Variants in LRMDA observed in about 807,000 individuals in gnomAD.
LRMDA encodes the protein leucine-rich melanocyte differentiation-associated protein.
In LRMDA, 18 loss-of-function variants were observed where a neutral mutation model predicts 29.8. The observed-to-expected ratio is 0.60, with a 90% CI of 0.42 to 0.90. LRMDA has a LOEUF of 0.90. LRMDA is among the 40% of genes least tolerant of loss of function. The pLI, the probability that LRMDA is intolerant of heterozygous loss-of-function variation, is 0.00. For missense variants in LRMDA, 273 were observed against 273.9 expected, an observed-to-expected ratio of 1.00 and a Z score of 0.02; for synonymous variants, 125 against 109.4, an observed-to-expected ratio of 1.14 and a Z score of -0.89.
intron 6 of LRMDA, among the ~76,000 whole-genome samples, chr10:76,464,341 A>T (rs1465489141): frequency 6.6e-6 from 1 of 152,106 alleles, no homozygotes; most frequent in Non-Finnish European, 1.5e-5. Flanking sequence ...GTGTGTTGGG[A>T]ACTGCAATTG....
chr10:76,368,384 T>G (rs567643224), intron 6 of LRMDA, among the ~76,000 whole-genome samples: 3 of 152,218 alleles, frequency 2.0e-5, no homozygotes, highest in Non-Finnish European at 4.4e-5. Flanking sequence ...AGCAGGTTAT[T>G]TAATTTCCAT....
At chr10:75,565,959 C>T (rs745930774) in intron 2 of LRMDA, among the ~76,000 whole-genome samples, 8 of 152,066 alleles carry the variant, frequency 5.3e-5, no homozygotes, top group African/African-American at 1.2e-4. Context: ...TCTGTGGTCC[C>T]GGCTTCTTGG....
intron 5 of LRMDA, among the ~76,000 whole-genome samples, chr10:76,234,428 A>T (rs1481596698): frequency 6.6e-6 from 1 of 152,204 alleles, no homozygotes; most frequent in Admixed American, 6.5e-5. Flanking sequence ...TTGGAATGAT[A>T]AATGAACATT....
At chr10:75,662,934 T>C (rs184952857) in intron 2 of LRMDA, among the ~76,000 whole-genome samples, 224 of 152,328 alleles carry the variant, frequency 1.5e-3, no homozygotes, top group Admixed American at 5.2e-3. Flanking sequence ...ACTGGGTGCC[T>C]TGCGTAACCA....
intron 6 of LRMDA, among the ~76,000 whole-genome samples, chr10:76,555,732 G>C (rs1159407295): frequency 7.1e-6 from 1 of 140,876 alleles, no homozygotes; most frequent in Non-Finnish European, 1.5e-5. Flanking sequence ...GAAGAACCTG[G>C]TTAATTTCAA....
At chr10:75,582,234 C>T (rs140728593) in intron 2 of LRMDA, among the ~76,000 whole-genome samples, 2 of 152,210 alleles carry the variant, frequency 1.3e-5, no homozygotes, top group African/African-American at 4.8e-5. Context: ...TTCACATATC[C>T]CCTTTGCACT....
chr10:75,555,269 C>G (rs2132057636), intron 2 of LRMDA, among the ~76,000 whole-genome samples: 1 of 152,292 alleles, frequency 6.6e-6, no homozygotes. Flanking sequence ...GGGTGAATTT[C>G]TCATTTTCTA....
At chr10:75,457,231 C>T (rs1471133507) in intron 2 of LRMDA, among the ~76,000 whole-genome samples, 1 of 152,220 alleles carries the variant, frequency 6.6e-6, no homozygotes, top group Non-Finnish European at 1.5e-5. Flanking sequence ...CGACTGTTAG[C>T]TCCTATACTG....
intron 6 of LRMDA, among the ~76,000 whole-genome samples, chr10:76,345,300 C>T (rs1417771138): frequency 6.7e-6 from 1 of 149,900 alleles, no homozygotes; most frequent in African/African-American, 2.4e-5. Flanking sequence ...TCTCGATCTC[C>T]TGACCTCGTG....
chr10:75,479,048 G>A (rs1844828315), intron 2 of LRMDA, among the ~76,000 whole-genome samples: 1 of 152,166 alleles, frequency 6.6e-6, no homozygotes, highest in African/African-American at 2.4e-5. Flanking sequence ...CTTCAAGGCA[G>A]GGCCATTTCT....
chr10:75,545,747 A>G (rs1840073148), intron 2 of LRMDA, among the ~76,000 whole-genome samples: 1 of 152,186 alleles, frequency 6.6e-6, no homozygotes, highest in Admixed American at 6.5e-5. Context: ...TAAGTCCTGT[A>G]TTCTCTGCAG....
At chr10:75,528,670 ATTC>A (rs1305328063) in intron 2 of LRMDA, among the ~76,000 whole-genome samples, 2 of 152,184 alleles carry the variant, frequency 1.3e-5, no homozygotes, top group Non-Finnish European at 2.9e-5. Flanking sequence ...ATAGTTCTCT[ATTC>A]TTAAATGTGG....
At chr10:76,005,461 T>C (rs1847633457) in intron 2 of LRMDA, among the ~76,000 whole-genome samples, 1 of 152,034 alleles carries the variant, frequency 6.6e-6, no homozygotes. Flanking sequence ...AAGTTTGGGG[T>C]TAAAATCAAG....
intron 5 of LRMDA, among the ~76,000 whole-genome samples, chr10:76,073,071 A>G (rs1848900146): frequency 6.6e-6 from 1 of 152,254 alleles, no homozygotes. Context: ...TGAATTCCCT[A>G]AAATGGAAGT....
intron 2 of LRMDA, among the ~76,000 whole-genome samples, chr10:76,025,941 C>T (rs1412083415): frequency 6.6e-6 from 1 of 152,116 alleles, no homozygotes; most frequent in South Asian, 2.1e-4. Flanking sequence ...TAGCAAAGTA[C>T]TAAGCACAGA....
chr10:76,379,661 C>T (rs898384128), intron 6 of LRMDA, among the ~76,000 whole-genome samples: 48 of 151,884 alleles, frequency 3.2e-4, no homozygotes, highest in African/African-American at 1.0e-3. Context: ...TTCAAAAAAA[C>T]GACTTTTTGT....
intron 2 of LRMDA, among the ~76,000 whole-genome samples, chr10:75,792,772 G>GA (rs1355620028): frequency 1.3e-5 from 2 of 152,098 alleles, no homozygotes; most frequent in Admixed American, 1.3e-4. Flanking sequence ...ATCCACAAAA[G>GA]AAAAAATAGT....
intron 5 of LRMDA, among the ~76,000 whole-genome samples, chr10:76,317,310 T>C (rs1306766724): frequency 1.3e-5 from 2 of 152,168 alleles, no homozygotes; most frequent in East Asian, 3.8e-4. Context: ...ATTCAAGAAA[T>C]ATTAAATCCT....
intron 5 of LRMDA, among the ~76,000 whole-genome samples, chr10:76,105,158 A>G (rs1460876460): frequency 6.6e-6 from 1 of 152,182 alleles, no homozygotes; most frequent in African/African-American, 2.4e-5. Flanking sequence ...TTTTTCCAGA[A>G]CACTTACCAC....
Sources: gnomAD v4.1 joint callset for allele counts (sites outside exome capture counted in the v4.1 genomes callset) on GRCh38, gnomAD v4.1.1 for gene constraint, MANE v1.5 for transcripts, NCBI Gene and HGNC (gene_info 2026-07-23, HGNC 2026-07-21) for gene names.